The following EXOC6 variants were observed in gnomAD, a reference collection of about 807,000 sequenced individuals.
EXOC6 encodes the protein exocyst complex component 6, also known as SEC15-like 1.
A neutral mutation model predicts 112.5 loss-of-function variants in EXOC6; 60 were observed. The ratio of observed to expected loss-of-function variants is 0.53; its 90% confidence interval spans 0.43 to 0.66. The LOEUF (loss-of-function observed/expected upper bound fraction) is 0.66. Among genes scored for constraint, EXOC6 ranks in the 30% least tolerant of loss-of-function variants. The pLI, the probability that EXOC6 is intolerant of heterozygous loss-of-function variation, is 0.00. For missense variants in EXOC6, 855 were observed against 957.1 expected, an observed-to-expected ratio of 0.89 and a Z score of 1.41; for synonymous variants, 295 against 308.0, an observed-to-expected ratio of 0.96 and a Z score of 0.44.
chr10:92,979,123 GTATT>G (rs1842734355), intron 18 of EXOC6, among the ~76,000 whole-genome samples: 1 of 152,092 alleles, frequency 6.6e-6, no homozygotes, highest in East Asian at 1.9e-4. Flanking sequence ...GTTTCACTGA[GTATT>G]TAGTTTCTGT....
chr10:92,954,940 C>T (rs563430457), intron 16 of EXOC6, among the ~76,000 whole-genome samples, 199 bp downstream of exon 16: 8 of 152,168 alleles, frequency 5.3e-5, no homozygotes, highest in African/African-American at 1.4e-4. Flanking sequence ...ACCTCTAATC[C>T]GAGAGCTTTG....
chr10:92,990,526 G>A (rs74149191), intron 18 of EXOC6, among the ~76,000 whole-genome samples: 4,600 of 152,232 alleles, frequency 0.03, 172 homozygotes, highest in East Asian at 0.15. Context: ...TGCAATTGAA[G>A]CTGTAGACCT....
At chr10:92,926,244 T>TGCAG (rs1317051370) in intron 8 of EXOC6, among the ~76,000 whole-genome samples, 1 of 151,976 alleles carries the variant, frequency 6.6e-6, no homozygotes, top group Non-Finnish European at 1.5e-5. Flanking sequence ...TTAGTACTGA[T>TGCAG]TATGATAATT....
At chr10:93,003,060 A>G (rs1163659136) in intron 19 of EXOC6, among the ~76,000 whole-genome samples, 2 of 152,210 alleles carry the variant, frequency 1.3e-5, no homozygotes, top group African/African-American at 2.4e-5. Flanking sequence ...AAAGATGCTT[A>G]AATCATAAAA....
intron 9 of EXOC6, among the ~76,000 whole-genome samples, chr10:92,929,641 T>C (rs1346392315): frequency 1.3e-5 from 2 of 152,148 alleles, no homozygotes; most frequent in South Asian, 2.1e-4. Flanking sequence ...ACAGAAACTA[T>C]AAAGAATGAC....
chr10:92,948,170 T>C (rs550065575), intron 13 of EXOC6, 104 bp from the exon 14 acceptor site: 35 of 670,786 alleles, frequency 5.2e-5, no homozygotes, highest in Middle Eastern at 4.2e-4. Flanking sequence ...AATAGACAAG[T>C]AAAAACTGCT....
At chr10:92,911,938 C>CGTGT (rs72368133) in intron 6 of EXOC6, among the ~76,000 whole-genome samples, 416 of 136,216 alleles carry the variant, frequency 3.1e-3, no homozygotes, top group African/African-American at 8.9e-3. Flanking sequence ...TCTCTGTGTG[C>CGTGT]GTGTGTGTGT....
chr10:93,052,641 C>T (rs990077623), intron 20 of EXOC6, among the ~76,000 whole-genome samples: 39 of 152,202 alleles, frequency 2.6e-4, no homozygotes, highest in African/African-American at 9.4e-4. Flanking sequence ...AACTCAAGCA[C>T]ATGATTTTGC....
chr10:93,011,170 A>T (rs1844224540), intron 19 of EXOC6, among the ~76,000 whole-genome samples: 1 of 150,816 alleles, frequency 6.6e-6, no homozygotes, highest in Non-Finnish European at 1.5e-5. Context: ...CTATGGTAAC[A>T]TTTACAGCCT....
At chr10:93,013,096 C>G (rs1564910134) in intron 19 of EXOC6, among the ~76,000 whole-genome samples, 1 of 152,002 alleles carries the variant, frequency 6.6e-6, no homozygotes, top group East Asian at 1.9e-4. Flanking sequence ...GCATTCTTAT[C>G]AGAGAAGCTT....
chr10:92,866,753 A>G (rs1163215650), intron 1 of EXOC6, among the ~76,000 whole-genome samples: 9 of 152,146 alleles, frequency 5.9e-5, no homozygotes, highest in Non-Finnish European at 8.8e-5. Flanking sequence ...TATTTTTAAA[A>G]ACTGAAATTA....
At chr10:92,925,915 A>T (rs1271365434) in intron 8 of EXOC6, among the ~76,000 whole-genome samples, 1 of 152,118 alleles carries the variant, frequency 6.6e-6, no homozygotes, top group Non-Finnish European at 1.5e-5. Flanking sequence ...CTCTGATTTC[A>T]GCCTCATCTT....
At chr10:92,898,429 CAA>C (rs11187205) in intron 4 of EXOC6, among the ~76,000 whole-genome samples, 126 of 137,262 alleles carry the variant, frequency 9.2e-4, no homozygotes, top group Admixed American at 1.1e-3. Flanking sequence ...GACCTTGTCT[CAA>C]AAAAAAAAAA....
rs1354943898 is a variant in EXOC6, at chr10:92,894,819, G to A, written c.299G>A (p.Arg100Lys). The change falls in exon 3 of 22, where the codon AGG becomes AAG. Residue 100 changes from arginine (R) to lysine (K), a missense_variant. By Grantham distance (26) the Arg-to-Lys change is conservative (BLOSUM62 2). Around this residue, in one of 2 missense-constraint regions of EXOC6, gnomAD observed 405 missense variants for 393.6 expected, o/e 1.03. Coordinates refer to ENST00000260762, the MANE Select transcript of EXOC6 (RefSeq NM_019053.6). ...GTGCAAGTTACTGATACCAACCGAA[G>A]GTTTCAAGATGCTGGAAAAGAGGTG... The part of the protein sequence containing the change: ...LKVQVTDTNR[R>K]FQDAGKEVIV... The A allele has an allele frequency of 3.7e-6, 6 of 1,613,490 alleles. No homozygotes were observed. Among genetic ancestry groups the A allele is most frequent in the Non-Finnish European group, 5.1e-6 (6 of 1,179,678 alleles).
rs1171047479 is a variant in EXOC6, at chr10:92,858,028, C to CCCA, written c.101+9395_101+9396insCAC. The stretch of plus-strand genomic sequence containing the variant: ...AGATTTTTAGTTGACGGGTTCCCCC[C>CCCA]CTCCGCCGGCCAGCAGTTTGAATAT... On this transcript the variant is annotated intron_variant, in intron 1 of 21. Coordinates refer to ENST00000260762, the MANE Select transcript of EXOC6 (RefSeq NM_019053.6). 1.4e-5 allele frequency among the ~76,000 whole-genome samples: 2 copies of CCCA among 139,082 alleles called. 1 individual carries two copies. Among genetic ancestry groups the CCCA allele is most frequent in the East Asian group, 7.1e-4 (2 of 2,798 alleles). The allele number at this position is 139,082 out of a possible 152,430, so 91.2% of individuals were successfully genotyped here.
At chr10:93,017,861 T>A (rs981086212) in intron 20 of EXOC6, among the ~76,000 whole-genome samples, 1 of 150,672 alleles carries the variant, frequency 6.6e-6, no homozygotes, top group Non-Finnish European at 1.5e-5. Flanking sequence ...AATGCAAAAA[T>A]TAGCTGGGCG....
intron 1 of EXOC6, among the ~76,000 whole-genome samples, chr10:92,866,274 C>G (rs1409108118): frequency 6.6e-6 from 1 of 152,084 alleles, no homozygotes; most frequent in Admixed American, 6.5e-5. Flanking sequence ...CTGTTGTACA[C>G]AAGAATTTTA....
intron 18 of EXOC6, among the ~76,000 whole-genome samples, chr10:92,985,650 C>G (rs544312241): frequency 1.3e-5 from 2 of 152,238 alleles, no homozygotes; most frequent in African/African-American, 4.8e-5. Flanking sequence ...ATCATTCTTT[C>G]AGACAAATGT....
At chr10:93,051,079 G>GAAAAAAATC (rs1056256876) in intron 20 of EXOC6, among the ~76,000 whole-genome samples, 6 of 147,054 alleles carry the variant, frequency 4.1e-5, no homozygotes, top group African/African-American at 1.5e-4. Context: ...TGACCAAAAA[G>GAAAAAAATC]AAAAAAATCA....
Sources: gnomAD v4.1 joint callset for allele counts (sites outside exome capture counted in the v4.1 genomes callset) on GRCh38, gnomAD v4.1.1 for gene constraint, gnomAD v4.1.1 regional missense constraint, MANE v1.5 for transcripts, NCBI Gene and HGNC (gene_info 2026-07-23, HGNC 2026-07-21) for gene names.